The following RAP1GDS1 variants were observed in gnomAD, a reference collection of about 807,000 sequenced individuals.
RAP1GDS1 encodes Rap1 GTPase-GDP dissociation stimulator 1.
A neutral mutation model predicts 71.1 loss-of-function variants in RAP1GDS1; 35 were observed. That is an observed-to-expected ratio of 0.49 (90% confidence interval 0.38 to 0.65). The LOEUF is 0.65. Among genes scored for constraint, RAP1GDS1 ranks in the 30% least tolerant of loss-of-function variants. RAP1GDS1 has a pLI of 0.00. For synonymous variants in RAP1GDS1, 229 were observed against 243.1 expected (o/e 0.94, Z 0.54); for missense variants, 663 against 706.1 (o/e 0.94, Z 0.69).
intron 12 of RAP1GDS1, among the ~76,000 whole-genome samples, chr4:98,429,630 C>T (rs1206524045): frequency 2.0e-5 from 3 of 152,102 alleles, no homozygotes; most frequent in Admixed American, 1.3e-4. Context: ...ACCACCTGTT[C>T]CCCAGTAACC....
intron 5 of RAP1GDS1, among the ~76,000 whole-genome samples, chr4:98,382,481 G>C (rs1369518809): frequency 6.6e-6 from 1 of 151,400 alleles, no homozygotes; most frequent in Admixed American, 6.6e-5. Context: ...TCAGTTTGAG[G>C]GAATGTGTTG....
intron 4 of RAP1GDS1, among the ~76,000 whole-genome samples, chr4:98,356,192 G>A (rs1367389595): frequency 6.6e-6 from 1 of 152,168 alleles, no homozygotes; most frequent in African/African-American, 2.4e-5. Context: ...GATACACCAG[G>A]GAATGTGGTT....
intron 1 of RAP1GDS1, among the ~76,000 whole-genome samples, chr4:98,271,002 C>A (rs1285161207): frequency 6.6e-6 from 1 of 152,110 alleles, no homozygotes; most frequent in East Asian, 1.9e-4. Flanking sequence ...ATATAACATA[C>A]ATAATATGTG....
At chr4:98,421,628 T>C (rs141869288) in intron 12 of RAP1GDS1, among the ~76,000 whole-genome samples, 314 of 152,318 alleles carry the variant, frequency 2.1e-3, no homozygotes, top group African/African-American at 7.4e-3. Flanking sequence ...ACCACCGTTA[T>C]CAGCATCAGT....
At chr4:98,321,084 A>G (rs1731789943) in intron 2 of RAP1GDS1, among the ~76,000 whole-genome samples, 1 of 146,516 alleles carries the variant, frequency 6.8e-6, no homozygotes, top group Admixed American at 6.9e-5. Flanking sequence ...AAAGGAGCTG[A>G]TGGAGCTGAA....
intron 6 of RAP1GDS1, among the ~76,000 whole-genome samples, chr4:98,393,017 G>T (rs148777919): frequency 6.6e-6 from 1 of 151,938 alleles, no homozygotes; most frequent in Non-Finnish European, 1.5e-5. Flanking sequence ...TCTTCCCCAC[G>T]CCCCCACCTT....
intron 1 of RAP1GDS1, among the ~76,000 whole-genome samples, chr4:98,264,831 T>C (rs1722511914): frequency 6.6e-6 from 1 of 152,072 alleles, no homozygotes; most frequent in Non-Finnish European, 1.5e-5. Flanking sequence ...GGAAGAGAAA[T>C]GACATAAATG....
intron 14 of RAP1GDS1, among the ~76,000 whole-genome samples, chr4:98,438,148 A>C (rs999308317): frequency 6.6e-6 from 1 of 151,868 alleles, no homozygotes; most frequent in African/African-American, 2.4e-5. Context: ...TAAGGGATTG[A>C]CCCTTTTATC....
chr4:98,370,151 G>C (rs1407253667), intron 4 of RAP1GDS1, among the ~76,000 whole-genome samples: 1 of 152,042 alleles, frequency 6.6e-6, no homozygotes, highest in African/African-American at 2.4e-5. Context: ...GTATTCTCAG[G>C]ACCTAGTTCA....
At chr4:98,441,915 A>G (rs1169515475) in intron 14 of RAP1GDS1, 75 bp from the exon 15 acceptor site, 3 of 1,496,082 alleles carry the variant, frequency 2.0e-6, no homozygotes, top group African/African-American at 2.8e-5. Flanking sequence ...TGTCAAAATA[A>G]ACATTTTGGT....
chr4:98,387,393 C>T (rs767337507), intron 5 of RAP1GDS1: 1 of 455,358 alleles, frequency 2.2e-6, no homozygotes, highest in South Asian at 1.6e-5. Context: ...AAACTTAAAA[C>T]TCAGGGGGGA....
At chr4:98,396,882 G>A (rs565787081) in intron 6 of RAP1GDS1, 1 of 152,128 alleles carries the variant, frequency 6.6e-6, no homozygotes. Flanking sequence ...TTGTCAAAAT[G>A]TTTTTAATAA....
At chr4:98,412,214 T>C (rs1331264594) in intron 7 of RAP1GDS1, among the ~76,000 whole-genome samples, 2 of 152,214 alleles carry the variant, frequency 1.3e-5, no homozygotes, top group Admixed American at 6.5e-5. Flanking sequence ...AAATAAAGTT[T>C]AAATTTAAAA....
intron 14 of RAP1GDS1, among the ~76,000 whole-genome samples, chr4:98,439,075 CCTTT>C (rs1751555653): frequency 1.3e-5 from 2 of 152,046 alleles, no homozygotes; most frequent in South Asian, 4.1e-4. Context: ...ATAATCATTC[CCTTT>C]CTGTTTAGAG....
At chr4:98,308,138 A>G (rs1279265523) in intron 2 of RAP1GDS1, among the ~76,000 whole-genome samples, 2 of 151,240 alleles carry the variant, frequency 1.3e-5, no homozygotes, top group Non-Finnish European at 2.9e-5. Flanking sequence ...ATCAAAGAAT[A>G]TATATATGTG....
chr4:98,401,231 T>G (rs1350618733), intron 6 of RAP1GDS1, among the ~76,000 whole-genome samples: 8 of 152,208 alleles, frequency 5.3e-5, no homozygotes, highest in Admixed American at 5.2e-4. Context: ...GCATTAAGAT[T>G]AGAAAACTGC....
intron 2 of RAP1GDS1, among the ~76,000 whole-genome samples, chr4:98,300,009 G>A (rs1002443537): frequency 2.6e-5 from 4 of 152,108 alleles, no homozygotes; most frequent in Admixed American, 6.6e-5. Context: ...TTACATAAAC[G>A]TAGTTGATAA....
At chr4:98,296,556 A>G (rs1013209459) in intron 2 of RAP1GDS1, among the ~76,000 whole-genome samples, 2 of 152,268 alleles carry the variant, frequency 1.3e-5, no homozygotes, top group South Asian at 4.1e-4. Context: ...TCATTCATTC[A>G]CTCATATAAA....
At chr4:98,358,828 TAG>T (rs1175491190) in intron 4 of RAP1GDS1, among the ~76,000 whole-genome samples, 1 of 151,808 alleles carries the variant, frequency 6.6e-6, no homozygotes, top group Non-Finnish European at 1.5e-5. Flanking sequence ...TATTGTGTAG[TAG>T]AGTTATGCAA....
Sources: allele counts gnomAD v4.1 joint callset (sites outside exome capture counted in the v4.1 genomes callset), GRCh38; gene constraint gnomAD v4.1.1; transcripts MANE v1.5; gene names NCBI Gene and HGNC (gene_info 2026-07-23, HGNC 2026-07-21).